The following XKR4 variants were observed in gnomAD, a reference collection of about 807,000 sequenced individuals.
The protein encoded by XKR4 is XK related 4.
XKR4 carries 12 observed loss-of-function variants against 53.9 expected under a neutral mutation model. The ratio of observed to expected loss-of-function variants is 0.22; its 90% CI spans 0.14 to 0.36. The LOEUF is 0.36. XKR4 is among the 10% of genes least tolerant of loss of function. XKR4 has a pLI of 1.00. For missense variants in XKR4, 799 were observed against 859.5 expected, an observed-to-expected ratio of 0.93 and a Z score of 0.88; for synonymous variants, 354 against 362.4, an observed-to-expected ratio of 0.98 and a Z score of 0.26.
chr8:55,306,147 T>C (rs953551163), intron 1 of XKR4, among the ~76,000 whole-genome samples: 4 of 152,222 alleles, frequency 2.6e-5, no homozygotes, highest in African/African-American at 7.2e-5. Context: ...AAACTGTGCA[T>C]TTTTGTCCAA....
intron 1 of XKR4, among the ~76,000 whole-genome samples, chr8:55,229,356 C>T (rs769168366): frequency 1.3e-5 from 2 of 152,202 alleles, no homozygotes; most frequent in African/African-American, 2.4e-5. Context: ...GCAGAGCTGA[C>T]GCAGGTGAGG....
rs535500691 is a variant in XKR4 at position 55,224,594 on chromosome 8, A to T, written c.806+121300A>T. ...GTGTGCTGTATGGAACTTTAATTTC[A>T]TGAGAATTTGATGTTCAATATTTCG... On this transcript the variant is annotated intron_variant, in intron 1 of 2. Coordinates refer to ENST00000327381, the MANE Select transcript of XKR4 (RefSeq NM_052898.2). Among the ~76,000 whole-genome samples, 6 of 152,322 alleles carry T rather than the reference A, an allele frequency of 3.9e-5. No homozygotes were observed. The South Asian group carries it at 1.2e-3, about 32-fold the overall frequency.
chr8:55,312,803 A>C (rs552310422), intron 1 of XKR4, among the ~76,000 whole-genome samples: 3 of 152,306 alleles, frequency 2.0e-5, no homozygotes, highest in African/African-American at 7.2e-5. Flanking sequence ...ACTAGAATCC[A>C]AAGACAGCTA....
intron 1 of XKR4, among the ~76,000 whole-genome samples, chr8:55,260,643 T>G (rs1818511950): frequency 6.6e-6 from 1 of 152,148 alleles, no homozygotes; most frequent in African/African-American, 2.4e-5. Flanking sequence ...GCACAGGGTT[T>G]TATAGACAGG....
In XKR4 at chr8:55,382,038, A is replaced by G. The variant is rs186295309; in HGVS notation, c.1006+24161A>G. On this transcript the variant is annotated intron_variant, in intron 2 of 2. Transcript: ENST00000327381. ...TCTAAAGCTTCTCCCAAAAAATTAA[A>G]TCTTATGCAAATTTTAAATACTACA... is the stretch of plus-strand genomic sequence containing the variant. Among the ~76,000 whole-genome samples the G allele has an allele frequency of 2.2e-4, 34 of 152,348 alleles. No individual in the cohort carries two copies. The East Asian group carries it at 6.4e-3, about 28-fold the overall frequency.
At chr8:55,452,669 C>A (rs1291647064) in intron 2 of XKR4, 1 of 1,430,646 alleles carries the variant, frequency 7.0e-7, no homozygotes, top group Non-Finnish European at 9.8e-7. Context: ...TGACCCCACT[C>A]TCTGTGCAGA....
chr8:55,338,301 C>T (rs774660571), intron 1 of XKR4, among the ~76,000 whole-genome samples: 21 of 152,180 alleles, frequency 1.4e-4, no homozygotes, highest in Non-Finnish European at 2.9e-4. Context: ...TTATGGTAAA[C>T]GTCTTACCCT....
chr8:55,440,399 A>G (rs531531380), intron 2 of XKR4, among the ~76,000 whole-genome samples: 1 of 152,194 alleles, frequency 6.6e-6, no homozygotes, highest in Non-Finnish European at 1.5e-5. Flanking sequence ...GTTAGAATTT[A>G]AAATAGATAT....
intron 1 of XKR4, among the ~76,000 whole-genome samples, chr8:55,333,517 T>C (rs1164230442): frequency 1.3e-5 from 2 of 152,296 alleles, no homozygotes; most frequent in East Asian, 3.9e-4. Context: ...TTAATTTCCC[T>C]AGGAGTTTCA....
intron 2 of XKR4, among the ~76,000 whole-genome samples, chr8:55,385,925 T>C (rs1312536690): frequency 6.6e-6 from 1 of 152,186 alleles, no homozygotes; most frequent in Non-Finnish European, 1.5e-5. Flanking sequence ...ATTCTTTGTG[T>C]TGTCTTTATT....
At chr8:55,409,515 G>A (rs76629943) in intron 2 of XKR4, among the ~76,000 whole-genome samples, 5 of 152,252 alleles carry the variant, frequency 3.3e-5, no homozygotes, top group South Asian at 2.1e-4. Context: ...CTCAACAAGC[G>A]TAGAGACTGA....
intron 2 of XKR4, among the ~76,000 whole-genome samples, chr8:55,374,298 T>C (rs1405362775): frequency 6.6e-6 from 1 of 152,238 alleles, no homozygotes; most frequent in African/African-American, 2.4e-5. Context: ...CATTCACCCT[T>C]GAAGGGCTTA....
intron 2 of XKR4, among the ~76,000 whole-genome samples, chr8:55,397,703 A>G (rs1012498218): frequency 6.6e-6 from 1 of 152,144 alleles, no homozygotes; most frequent in African/African-American, 2.4e-5. Context: ...CCGTGGGTGC[A>G]TTCTAAGTCC....
intron 1 of XKR4, among the ~76,000 whole-genome samples, chr8:55,351,098 C>T (rs1803717268): frequency 6.6e-6 from 1 of 152,050 alleles, no homozygotes; most frequent in Non-Finnish European, 1.5e-5. Context: ...GTGATGTTTG[C>T]ACAGCAATGT....
At chr8:55,243,264 C>G (rs919974168) in intron 1 of XKR4, among the ~76,000 whole-genome samples, 1 of 152,206 alleles carries the variant, frequency 6.6e-6, no homozygotes, top group Non-Finnish European at 1.5e-5. Context: ...GACAAATGTA[C>G]AATGCCATGT....
rs192280940 is a variant in XKR4 at position 55,164,505 on chromosome 8, G to A, written c.806+61211G>A. 77 of 449,960 alleles carry A rather than the reference G, an allele frequency of 1.7e-4. 1 individual carries two copies. The highest frequency in any genetic ancestry group is 8.9e-4 in the Admixed American group (37 of 41,784). The allele number at this position is 449,960 out of a possible 1,614,324, so 27.9% of individuals were successfully genotyped here. On this transcript the variant is annotated intron_variant, in intron 1 of 2. Coordinates refer to ENST00000327381, the MANE Select transcript of XKR4 (RefSeq NM_052898.2). ...CACAGCTGCAAGCTCAATGTCCTGA[G>A]CTTGCTGGTACTCAGAAAATGTTTA...
At chr8:55,232,387 T>TCTCTCA (rs1788483801) in intron 1 of XKR4, among the ~76,000 whole-genome samples, 2 of 152,184 alleles carry the variant, frequency 1.3e-5, no homozygotes, top group African/African-American at 4.8e-5. Flanking sequence ...GCTTAGAAAT[T>TCTCTCA]GTGATTCTCT....
At chr8:55,372,875 A>G (rs1433479141) in intron 2 of XKR4, among the ~76,000 whole-genome samples, 1 of 152,112 alleles carries the variant, frequency 6.6e-6, no homozygotes, top group Non-Finnish European at 1.5e-5. Context: ...ACAGGAGGGT[A>G]TATGTGTGGA....
At chr8:55,139,114 C>T (rs1816667261) in intron 1 of XKR4, among the ~76,000 whole-genome samples, 1 of 152,162 alleles carries the variant, frequency 6.6e-6, no homozygotes, top group Non-Finnish European at 1.5e-5. Flanking sequence ...TTTGAATTCT[C>T]CTACAGCTGT....
Sources: allele counts gnomAD v4.1 joint callset (sites outside exome capture counted in the v4.1 genomes callset), GRCh38; gene constraint gnomAD v4.1.1; transcripts MANE v1.5; gene names NCBI Gene and HGNC (gene_info 2026-07-23, HGNC 2026-07-21).